The following BEAN1 variants were observed in gnomAD, a reference collection of about 807,000 sequenced individuals.
The protein encoded by BEAN1 is protein BEAN1.
A neutral mutation model predicts 17.7 loss-of-function variants in BEAN1; 17 were observed. The observed-to-expected ratio is 0.96, with a 90% confidence interval of 0.66 to 1.44. The LOEUF (loss-of-function observed/expected upper bound fraction) is 1.44, where lower values mean the gene tolerates loss of function less well. Ranked by LOEUF, BEAN1 falls within the 40% of genes most tolerant of loss-of-function variation. BEAN1 has a pLI of 0.00. For missense variants in BEAN1, 359 were observed against 374.1 expected, an observed-to-expected ratio of 0.96 and a Z score of 0.33; for synonymous variants, 142 against 151.8, an observed-to-expected ratio of 0.94 and a Z score of 0.47.
chr16:66,462,252 G>A (rs773545068), intron 2 of BEAN1, among the ~76,000 whole-genome samples: 4 of 152,194 alleles, frequency 2.6e-5, no homozygotes, highest in African/African-American at 4.8e-5. Context: ...TTTTCTCTGT[G>A]AGTCTTGAAG....
At position 66,477,664 on chromosome 16, in the gene BEAN1, G is replaced by A. The variant is rs892305403; in HGVS notation, c.394G>A (p.Val132Met). 1.9e-6 allele frequency: 3 copies of A among 1,550,632 alleles called. No individual in the cohort carries two copies. Among genetic ancestry groups the A allele is most frequent in the Admixed American group, 2.0e-5 (1 of 50,856 alleles). The change falls in exon 4 of 5, where the codon GTG becomes ATG. Residue 132 changes from valine to methionine, a missense_variant. By Grantham distance (21) the Val-to-Met change is conservative. Transcript: ENST00000536005. ...PPLDISSDGD[V>M]DATVLRELYP... is the part of the protein sequence containing the mutation. ...CTTGGACATCAGCTCTGACGGGGAC[G>A]TGGATGCCACGGTGCTCAGGGAGCT... is the stretch of plus-strand genomic sequence containing the variant.
At chr16:66,474,010 A>G (rs1963593669) in intron 3 of BEAN1, among the ~76,000 whole-genome samples, 1 of 152,180 alleles carries the variant, frequency 6.6e-6, no homozygotes, top group South Asian at 2.1e-4. Flanking sequence ...CCCGCAGGTC[A>G]GCTCCAGAAC....
At chr16:66,493,333 G>C (rs117499742) in exon 5 of BEAN1, 5 of 687,086 alleles carry the variant, frequency 7.3e-6, no homozygotes, top group Non-Finnish European at 1.3e-5. Context: ...GGTCCGAGAC[G>C]GCCCTGGCAG....
chr16:66,478,031 T>C, intron 4 of BEAN1: 2 of 224,262 alleles, frequency 8.9e-6, no homozygotes, highest in Non-Finnish European at 1.7e-5. Context: ...TCCCTGGGGA[T>C]CTGCTCCTCC....
chr16:66,454,983 T>G (rs563497742), intron 2 of BEAN1, among the ~76,000 whole-genome samples: 8 of 152,126 alleles, frequency 5.3e-5, no homozygotes, highest in Non-Finnish European at 1.0e-4. Flanking sequence ...CATTCAGTCT[T>G]TTTCATACTA....
intron 1 of BEAN1, among the ~76,000 whole-genome samples, chr16:66,433,247 T>TA (rs1204007165): frequency 6.6e-6 from 1 of 152,186 alleles, no homozygotes; most frequent in African/African-American, 2.4e-5. Flanking sequence ...TAGCTGGGAC[T>TA]ACAGGCGCAC....
intron 4 of BEAN1, among the ~76,000 whole-genome samples, chr16:66,492,105 G>A (rs976579087): frequency 2.6e-5 from 4 of 151,730 alleles, no homozygotes; most frequent in South Asian, 2.1e-4. Flanking sequence ...ACAGTGGCGC[G>A]ATCTTGGCTC....
chr16:66,474,582 G>GAGGGAGGGAGAGAGGGAGGGAGAC (rs1963630378), intron 3 of BEAN1, among the ~76,000 whole-genome samples: 1 of 20,094 alleles, frequency 5.0e-5, no homozygotes, highest in African/African-American at 2.9e-4. Context: ...GGGAGGGAGA[G>GAGGGAGGGAGAGAGGGAGGGAGAC]AGGGAGGGAG....
chr16:66,438,820 C>T (rs553842896), intron 2 of BEAN1, among the ~76,000 whole-genome samples: 1 of 152,326 alleles, frequency 6.6e-6, no homozygotes, highest in South Asian at 2.1e-4. Context: ...CCCAAACCAC[C>T]ACCACTCGCT....
At chr16:66,465,943 A>C (rs535220295) in intron 2 of BEAN1, among the ~76,000 whole-genome samples, 1 of 152,300 alleles carries the variant, frequency 6.6e-6, no homozygotes, top group Non-Finnish European at 1.5e-5. Flanking sequence ...AACACCTGTA[A>C]CTGGGACCAC....
intron 2 of BEAN1, among the ~76,000 whole-genome samples, chr16:66,466,968 T>C (rs1963279895): frequency 6.6e-6 from 1 of 152,140 alleles, no homozygotes; most frequent in South Asian, 2.1e-4. Context: ...TTGGGGAACT[T>C]AAGGATGGAA....
chr16:66,455,674 T>G (rs922347199), intron 2 of BEAN1, among the ~76,000 whole-genome samples: 3 of 147,698 alleles, frequency 2.0e-5, no homozygotes, highest in African/African-American at 7.5e-5. Flanking sequence ...AGCAACACGC[T>G]TATAATAAAG....
intron 2 of BEAN1, among the ~76,000 whole-genome samples, chr16:66,444,425 G>C (rs8063396): frequency 0.67 from 101,299 of 151,878 alleles, 34,265 homozygotes; most frequent in African/African-American, 0.75. Flanking sequence ...GCCAGCCAAT[G>C]ACAGGTGGCT....
rs902549941 is a variant in BEAN1 at position 66,434,078 on chromosome 16, G to A, written c.-82-3517G>A. Among the ~76,000 whole-genome samples, 2 of 152,288 alleles carry A rather than the reference G, an allele frequency of 1.3e-5. No homozygotes were observed. Among genetic ancestry groups the A allele is most frequent in the African/African-American group, 4.8e-5 (2 of 41,558 alleles). On this transcript the variant is annotated intron_variant, in intron 1 of 4. Transcript: ENST00000536005. The surrounding 1 kb of genome is among the most constrained non-coding windows in gnomAD (Gnocchi z 4.3). The stretch of plus-strand genomic sequence containing the variant: ...CCTGGAGTGCCACCAGCCCGCCCTC[G>A]AGTTCCCAGCCAGACAATCCAGTAG...
At chr16:66,482,928 C>A, downstream of BEAN1, 2 of 455,988 alleles carry the variant, frequency 4.4e-6, no homozygotes, top group South Asian at 3.1e-5. Context: ...ATGAACATAG[C>A]TCACTGTAGC....
chr16:66,485,234 C>T (rs1160372783), downstream of BEAN1: 2 of 390,036 alleles, frequency 5.1e-6, no homozygotes, highest in African/African-American at 4.2e-5. Context: ...GGCACACACT[C>T]ACATGTAGCA....
downstream of BEAN1, among the ~76,000 whole-genome samples, chr16:66,494,994 A>C (rs1964226223): frequency 6.6e-6 from 1 of 152,144 alleles, no homozygotes; most frequent in Admixed American, 6.5e-5. Flanking sequence ...AAATGGGAAA[A>C]ATTAAATAGG....
At position 66,471,112 on chromosome 16, in the gene BEAN1, T is replaced by C. The variant is rs138676434; in HGVS notation, c.289+1247T>C. On this transcript the variant is annotated intron_variant, in intron 3 of 4. Coordinates refer to ENST00000536005, the MANE Select transcript of BEAN1 (RefSeq NM_001178020.3). The surrounding 1 kb of genome is among the most constrained non-coding windows in gnomAD (Gnocchi z 4.7). ...GATAGGAAAAATTTTTAAAATAGAT[T>C]GAATTGGATCCGATCAGCCCTGGCC... Among the ~76,000 whole-genome samples, 6 of 152,280 alleles carry C rather than the reference T, an allele frequency of 3.9e-5. No individual in the cohort carries two copies. In the East Asian group the frequency reaches 9.7e-4, roughly 24 times the overall value.
At chr16:66,444,343 C>A (rs797019208) in intron 2 of BEAN1, among the ~76,000 whole-genome samples, 4 of 152,288 alleles carry the variant, frequency 2.6e-5, no homozygotes, top group African/African-American at 9.6e-5. Flanking sequence ...GGACAAAGGG[C>A]AAGTGAGGGC....
Sources: allele counts gnomAD v4.1 joint callset (sites outside exome capture counted in the v4.1 genomes callset), GRCh38; gene constraint gnomAD v4.1.1; non-coding constraint Gnocchi (gnomAD v3.1); transcripts MANE v1.5; gene names NCBI Gene and HGNC (gene_info 2026-07-23, HGNC 2026-07-21).